Variants in TRAK1 observed in about 807,000 individuals in gnomAD.
TRAK1 encodes the protein trafficking kinesin-binding protein 1.
A neutral mutation model predicts 92.1 loss-of-function variants in TRAK1; 33 were observed. The observed-to-expected ratio is 0.36, with a 90% CI of 0.27 to 0.48. TRAK1 has a LOEUF of 0.48. Ranked by LOEUF, TRAK1 falls within the 20% of genes least tolerant of loss-of-function variation. The pLI, the probability that TRAK1 is intolerant of heterozygous loss-of-function variation, is 0.99. For synonymous variants in TRAK1, 521 were observed against 517.3 expected (o/e 1.01, Z -0.10); for missense variants, 1,123 against 1,257.9 (o/e 0.89, Z 1.62).
At chr3:42,171,094 C>T (rs183701230) in intron 2 of TRAK1, among the ~76,000 whole-genome samples, 180 of 152,174 alleles carry the variant, frequency 1.2e-3, no homozygotes, top group African/African-American at 3.9e-3. Flanking sequence ...GGATTACAGG[C>T]GTGAGCCACC....
intron 2 of TRAK1, chr3:42,160,383 G>C (rs1369777987): frequency 6.2e-7 from 1 of 1,614,190 alleles, no homozygotes; most frequent in South Asian, 1.1e-5. Flanking sequence ...AGACAAGGGC[G>C]GGGAAGAAGA....
intron 1 of TRAK1, among the ~76,000 whole-genome samples, chr3:42,018,309 T>G (rs549863244): frequency 7.2e-5 from 11 of 152,104 alleles, no homozygotes; most frequent in Admixed American, 4.6e-4. Context: ...AAAAGTGCTC[T>G]TAAGGAAAAT....
At position 42,091,404 on chromosome 3, in the gene TRAK1, C is replaced by A; in HGVS notation, c.-66C>A. 1.3e-6 allele frequency: 2 copies of A among 1,487,196 alleles called. No homozygotes were observed. Among genetic ancestry groups the A allele is most frequent in the Non-Finnish European group, 9.3e-7 (1 of 1,077,710 alleles). The allele number at this position is 1,487,196 out of a possible 1,614,324, so 92.1% of individuals were successfully genotyped here. ...GGGAGGGTGGCTGTGCGAGGTACTGCCGGGGCTGAGCTCTCATGGAGGCTC... is the reference window on the plus strand; with the variant it reads ...GGGAGGGTGGCTGTGCGAGGTACTGACGGGGCTGAGCTCTCATGGAGGCTC... On this transcript the variant is annotated 5_prime_UTR_variant, in exon 1 of 16. Transcript: ENST00000327628.
intron 3 of TRAK1, among the ~76,000 whole-genome samples, chr3:42,179,639 G>A (rs1703723080): frequency 6.6e-6 from 1 of 152,208 alleles, no homozygotes; most frequent in South Asian, 2.1e-4. Flanking sequence ...TCTAGTGGGT[G>A]TGTCAGTCAG....
At chr3:42,146,383 C>G in intron 2 of TRAK1, 1 of 249,938 alleles carries the variant, frequency 4.0e-6, no homozygotes, top group Non-Finnish European at 8.3e-6. Flanking sequence ...GTTTCATAGA[C>G]ACCATTGTCT....
chr3:42,106,620 T>A (rs968411111), intron 1 of TRAK1, among the ~76,000 whole-genome samples: 8 of 152,252 alleles, frequency 5.3e-5, no homozygotes, highest in African/African-American at 1.7e-4. Context: ...TTTAAAATTA[T>A]AATGTTGTAT....
In TRAK1 at chr3:42,175,092, C is replaced by T. The variant is rs115825167; in HGVS notation, c.287-1722C>T. On this transcript the variant is annotated intron_variant, in intron 2 of 15. Coordinates refer to ENST00000327628, the MANE Select transcript of TRAK1 (RefSeq NM_001042646.3). ...TCTTTTTTTCCAGGAAGGCAGAGGA[C>T]TCAGTTTTTTGAGGAGAGTGGGCGC... 5.5e-3 allele frequency among the ~76,000 whole-genome samples: 830 copies of T among 152,152 alleles called. 14 individuals carry two copies. Among genetic ancestry groups the T allele is most frequent in the African/African-American group, 0.019 (792 of 41,514 alleles).
At chr3:42,165,963 C>T (rs886757487) in intron 2 of TRAK1, among the ~76,000 whole-genome samples, 28 of 151,962 alleles carry the variant, frequency 1.8e-4, no homozygotes, top group African/African-American at 6.5e-4. Context: ...CCTTTTGCCA[C>T]TCTGCCCATT....
chr3:42,149,369 T>C (rs1317075191), intron 2 of TRAK1: 1 of 1,439,168 alleles, frequency 6.9e-7, no homozygotes, highest in Non-Finnish European at 9.1e-7. Context: ...ATTGCCCACT[T>C]TACTGTTTTG....
intron 2 of TRAK1, among the ~76,000 whole-genome samples, chr3:42,159,775 G>A (rs534195413): frequency 2.6e-5 from 4 of 152,256 alleles, no homozygotes; most frequent in Non-Finnish European, 4.4e-5. Context: ...TCTGCTCAGC[G>A]CTGTCAGGCA....
At chr3:42,208,417 G>A (rs913033793) in intron 13 of TRAK1, among the ~76,000 whole-genome samples, 5 of 152,144 alleles carry the variant, frequency 3.3e-5, no homozygotes, top group Non-Finnish European at 5.9e-5. Context: ...GGGGTGTTTG[G>A]AAATGGCAGA....
chr3:42,149,683 G>A (rs1447250903), intron 2 of TRAK1: 2 of 1,512,274 alleles, frequency 1.3e-6, no homozygotes, highest in Non-Finnish European at 1.8e-6. Flanking sequence ...AAACCTTTAG[G>A]GGAGACAGGC....
Position 42,191,517 on chromosome 3 carries a change from A to C in TRAK1, c.691-41A>C, listed in dbSNP as rs1464167296. 2.6e-6 allele frequency: 4 copies of C among 1,553,926 alleles called. No homozygotes were observed. In the African/African-American group the frequency reaches 5.4e-5, roughly 21 times the overall value. ...CAGCCCTTGCCTGCACCACCAGGCC[A>C]GGTGAGAATGTGGGGCCTCTGACCT... is the stretch of plus-strand genomic sequence containing the variant. On this transcript the variant is annotated intron_variant, in intron 6 of 15. Coordinates refer to ENST00000327628, the MANE Select transcript of TRAK1 (RefSeq NM_001042646.3).
intron 1 of TRAK1, among the ~76,000 whole-genome samples, chr3:42,043,373 CTCT>C (rs1198718832): frequency 4.3e-4 from 65 of 152,010 alleles, no homozygotes; most frequent in Non-Finnish European, 5.0e-4. Flanking sequence ...TTCCCTCACC[CTCT>C]TCTTTCCCTC....
intron 1 of TRAK1, among the ~76,000 whole-genome samples, chr3:42,098,957 C>T (rs1311249181): frequency 6.8e-6 from 1 of 147,406 alleles, no homozygotes; most frequent in Admixed American, 6.8e-5. Context: ...AGGAAGTGGG[C>T]GGTAGAGGCC....
At chr3:42,049,421 C>T (rs1233202422) in intron 1 of TRAK1, among the ~76,000 whole-genome samples, 1 of 151,742 alleles carries the variant, frequency 6.6e-6, no homozygotes, top group Non-Finnish European at 1.5e-5. Flanking sequence ...TCAGTGGGCC[C>T]TTTCCATCTA....
intron 12 of TRAK1, among the ~76,000 whole-genome samples, chr3:42,201,434 C>G (rs1381156491): frequency 6.6e-6 from 1 of 151,618 alleles, no homozygotes; most frequent in East Asian, 1.9e-4. Flanking sequence ...GCACTCCTGT[C>G]TGGGTGACAG....
intron 1 of TRAK1, among the ~76,000 whole-genome samples, chr3:42,079,429 A>G (rs1432386804): frequency 7.0e-6 from 1 of 143,590 alleles, no homozygotes; most frequent in East Asian, 2.0e-4. Context: ...TCTGGTTCTC[A>G]TTTTCTCCTT....
chr3:42,069,770 T>G (rs1407124936), intron 1 of TRAK1, among the ~76,000 whole-genome samples: 2 of 152,188 alleles, frequency 1.3e-5, no homozygotes, highest in Non-Finnish European at 2.9e-5. Context: ...CATTTTCCAA[T>G]TTTTAACAGT....
Sources: allele counts gnomAD v4.1 joint callset (sites outside exome capture counted in the v4.1 genomes callset), GRCh38; gene constraint gnomAD v4.1.1; transcripts MANE v1.5; gene names NCBI Gene and HGNC (gene_info 2026-07-23, HGNC 2026-07-21).